Variants in RBFOX1 observed in about 807,000 individuals in gnomAD.
The protein encoded by RBFOX1 is RNA binding fox-1 homolog 1.
In RBFOX1, 8 loss-of-function variants were observed where a neutral mutation model predicts 57.7. That is an observed-to-expected ratio of 0.14 (90% CI 0.08 to 0.25). RBFOX1 has a LOEUF of 0.25. RBFOX1 is among the 10% of genes least tolerant of loss of function. The pLI, the probability that RBFOX1 is intolerant of heterozygous loss-of-function variation, is 1.00. For synonymous variants in RBFOX1, 326 were observed against 222.4 expected (o/e 1.47, Z -4.15); for missense variants, 611 against 548.5 (o/e 1.11, Z -1.14).
intron 3 of RBFOX1, among the ~76,000 whole-genome samples, chr16:5,819,649 C>G (rs7201911): frequency 0.61 from 92,274 of 152,132 alleles, 28,313 homozygotes; most frequent in East Asian, 0.72. Flanking sequence ...ATTTCCTATC[C>G]AAGTTGTGTC....
chr16:7,689,068 G>A (rs537007097), intron 14 of RBFOX1, among the ~76,000 whole-genome samples: 4 of 151,942 alleles, frequency 2.6e-5, no homozygotes, highest in African/African-American at 4.8e-5. Context: ...CCTCAGTTTC[G>A]TCATCTACAA....
chr16:7,683,768 G>C (rs976824489), intron 14 of RBFOX1, among the ~76,000 whole-genome samples: 2 of 152,070 alleles, frequency 1.3e-5, no homozygotes, highest in East Asian at 3.9e-4. Context: ...GGTTGGGAAA[G>C]CCTAATGCTT....
At chr16:5,696,386 A>G (rs1232110077) in intron 3 of RBFOX1, among the ~76,000 whole-genome samples, 1 of 152,226 alleles carries the variant, frequency 6.6e-6, no homozygotes, top group Non-Finnish European at 1.5e-5. Context: ...GTATGATTAC[A>G]GCAGAATTTG....
At chr16:6,546,345 C>G (rs559315821) in intron 2 of RBFOX1, among the ~76,000 whole-genome samples, 4 of 152,190 alleles carry the variant, frequency 2.6e-5, no homozygotes, top group Non-Finnish European at 5.9e-5. Context: ...TAGTTAGTAT[C>G]ACAAACTGGG....
chr16:7,321,026 A>G (rs2096534914), intron 4 of RBFOX1, among the ~76,000 whole-genome samples: 1 of 151,582 alleles, frequency 6.6e-6, no homozygotes, highest in Non-Finnish European at 1.5e-5. Context: ...AGTACTTTTT[A>G]TTAGTAAACT....
intron 3 of RBFOX1, among the ~76,000 whole-genome samples, chr16:5,617,173 T>C (rs1022898926): frequency 6.6e-6 from 1 of 152,040 alleles, no homozygotes; most frequent in African/African-American, 2.4e-5. Flanking sequence ...ACAAATGCAT[T>C]TTGAGGCTCT....
At chr16:6,709,278 CTG>C (rs1334006678) in intron 3 of RBFOX1, among the ~76,000 whole-genome samples, 1 of 152,108 alleles carries the variant, frequency 6.6e-6, no homozygotes, top group Non-Finnish European at 1.5e-5. Context: ...AAGCATCTAA[CTG>C]TGCAGAAGAC....
At chr16:6,182,203 A>C (rs919084229) in intron 1 of RBFOX1, among the ~76,000 whole-genome samples, 1 of 152,202 alleles carries the variant, frequency 6.6e-6, no homozygotes, top group East Asian at 1.9e-4. Flanking sequence ...GAAATCGTGA[A>C]TGACTTAAGA....
chr16:7,191,753 G>A (rs2085446178), intron 4 of RBFOX1, among the ~76,000 whole-genome samples: 1 of 152,204 alleles, frequency 6.6e-6, no homozygotes, highest in African/African-American at 2.4e-5. Flanking sequence ...AGCGAAAGCT[G>A]AAATAATTGA....
rs187698817 is a variant in RBFOX1 at position 7,613,908 on chromosome 16, C to T, written c.676+6570C>T. ...TGACACAAGTTTGCTCTATTTTATT[C>T]AGATTGGCATTGGGCTCAGGGTGAT... is the stretch of plus-strand genomic sequence containing the variant. On this transcript the variant is annotated intron_variant, in intron 10 of 15. Coordinates refer to ENST00000550418, the MANE Select transcript of RBFOX1 (RefSeq NM_018723.4). 2.7e-3 allele frequency among the ~76,000 whole-genome samples: 414 copies of T among 152,278 alleles called. 1 individual carries two copies. The highest frequency in any genetic ancestry group is 9.5e-3 in the African/African-American group (395 of 41,550).
In RBFOX1 at chr16:5,453,566, A is replaced by AT. The variant is rs1220824784; in HGVS notation, c.220-13650_220-13649insT. ...GTCAGGTGTTGTTCTGCCTTGGCTC[A>AT]GAAGCTACATGCATCATAGGAGTCA... is the stretch of plus-strand genomic sequence containing the variant. On this transcript the variant is annotated intron_variant, in intron 1 of 2. Coordinates refer to the RBFOX1 transcript ENST00000585867. Among the ~76,000 whole-genome samples, 6 of 152,298 alleles carry AT rather than the reference A, an allele frequency of 3.9e-5. No homozygotes were observed. In the East Asian group the frequency reaches 1.2e-3, roughly 29 times the overall value.
At chr16:7,523,939 G>C (rs1029353976) in intron 5 of RBFOX1, among the ~76,000 whole-genome samples, 1 of 152,110 alleles carries the variant, frequency 6.6e-6, no homozygotes. Context: ...ATTTCCTGTG[G>C]AACGAATTTA....
At chr16:7,388,563 C>G (rs767606112) in intron 4 of RBFOX1, among the ~76,000 whole-genome samples, 1 of 151,780 alleles carries the variant, frequency 6.6e-6, no homozygotes, top group Non-Finnish European at 1.5e-5. Context: ...GATAACAACC[C>G]TTACCTCATA....
intron 3 of RBFOX1, among the ~76,000 whole-genome samples, chr16:6,772,483 G>T (rs1603619182): frequency 6.6e-6 from 1 of 151,476 alleles, no homozygotes; most frequent in African/African-American, 2.4e-5. Context: ...ATGTGTATGT[G>T]TGGGTATGGG....
intron 2 of RBFOX1, among the ~76,000 whole-genome samples, chr16:6,326,748 A>C (rs2082414589): frequency 6.6e-6 from 1 of 150,648 alleles, no homozygotes; most frequent in Admixed American, 6.6e-5. Flanking sequence ...CATAGGAGGC[A>C]ATTTCAAGCA....
intron 1 of RBFOX1, among the ~76,000 whole-genome samples, chr16:5,275,248 C>T (rs1443107394): frequency 6.6e-6 from 1 of 152,150 alleles, no homozygotes; most frequent in African/African-American, 2.4e-5. Context: ...ATGATCAAAT[C>T]AGGGTCTTTG....
chr16:6,311,353 G>C (rs927147742), intron 1 of RBFOX1, among the ~76,000 whole-genome samples: 1 of 147,136 alleles, frequency 6.8e-6, no homozygotes, highest in African/African-American at 2.5e-5. Flanking sequence ...TTTTGTTCTT[G>C]TTAGGCTCAC....
chr16:6,959,429 C>T (rs563175165), intron 3 of RBFOX1, among the ~76,000 whole-genome samples: 4 of 152,160 alleles, frequency 2.6e-5, no homozygotes, highest in African/African-American at 7.2e-5. Flanking sequence ...CTTATCACAG[C>T]AGGGATGAAG....
At chr16:7,497,635 A>G (rs981647068) in intron 4 of RBFOX1, among the ~76,000 whole-genome samples, 2 of 152,196 alleles carry the variant, frequency 1.3e-5, no homozygotes, top group South Asian at 2.1e-4. Context: ...CAGTGGATAA[A>G]GGTACCTCTA....
Sources: allele counts gnomAD v4.1 joint callset (sites outside exome capture counted in the v4.1 genomes callset), GRCh38; gene constraint gnomAD v4.1.1; transcripts MANE v1.5; gene names NCBI Gene and HGNC (gene_info 2026-07-23, HGNC 2026-07-21).